The following THSD7A variants were observed in gnomAD, a reference collection of about 807,000 sequenced individuals.
THSD7A encodes thrombospondin type-1 domain-containing protein 7A.
Under a neutral mutation model 231.3 loss-of-function variants are expected in THSD7A, and 96 were observed. That is an observed-to-expected ratio of 0.41 (90% CI 0.35 to 0.49). THSD7A has a LOEUF of 0.49. Among genes scored for constraint, THSD7A ranks in the 20% least tolerant of loss-of-function variants. THSD7A has a pLI of 0.05. For synonymous variants in THSD7A, 940 were observed against 743.3 expected (o/e 1.26, Z -4.30); for missense variants, 2,290 against 2,070.2 (o/e 1.11, Z -2.06).
chr7:11,750,951 G>A (rs1285647674), intron 1 of THSD7A, among the ~76,000 whole-genome samples: 1 of 151,922 alleles, frequency 6.6e-6, no homozygotes, highest in East Asian at 1.9e-4. Flanking sequence ...GGTAAGACAA[G>A]GGCATCCATC....
intron 11 of THSD7A, among the ~76,000 whole-genome samples, chr7:11,454,653 A>G (rs928005249): frequency 1.3e-4 from 20 of 151,214 alleles, no homozygotes; most frequent in African/African-American, 4.9e-4. Flanking sequence ...ATGTATACCT[A>G]TAGTATATTT....
intron 6 of THSD7A, among the ~76,000 whole-genome samples, chr7:11,482,418 T>C (rs1437855472): frequency 6.6e-6 from 1 of 152,206 alleles, no homozygotes. Flanking sequence ...AACCAACTAA[T>C]AGGTGTCTAT....
intron 1 of THSD7A, among the ~76,000 whole-genome samples, chr7:11,782,189 C>CT (rs1783653127): frequency 6.6e-6 from 1 of 152,152 alleles, no homozygotes; most frequent in South Asian, 2.1e-4. Flanking sequence ...TTCTGCAGCA[C>CT]TTCATACCTA....
At chr7:11,399,272 C>G (rs1783308735) in intron 23 of THSD7A, among the ~76,000 whole-genome samples, 1 of 152,038 alleles carries the variant, frequency 6.6e-6, no homozygotes, top group African/African-American at 2.4e-5. Context: ...AAAATATAAC[C>G]TTCTAAATTA....
chr7:11,458,599 T>C (rs1028193271), intron 11 of THSD7A, among the ~76,000 whole-genome samples: 4 of 152,046 alleles, frequency 2.6e-5, no homozygotes, highest in Non-Finnish European at 5.9e-5. Context: ...ACTATGTAAG[T>C]ACAGGCAGAG....
chr7:11,713,579 T>C (rs10238100), intron 1 of THSD7A, among the ~76,000 whole-genome samples: 4,748 of 151,316 alleles, frequency 0.031, 257 homozygotes, highest in African/African-American at 0.11. Context: ...CCGAACTTTA[T>C]TGCGTATATC....
At chr7:11,712,115 CTATGGTATATGTTTCCAAGT>C (rs1378666749) in intron 1 of THSD7A, among the ~76,000 whole-genome samples, 7 of 150,986 alleles carry the variant, frequency 4.6e-5, no homozygotes, top group Non-Finnish European at 8.9e-5. Context: ...AGACTTCTGT[CTATGGTATATGTTTCCAAGT>C]TATCCTCCAG....
intron 1 of THSD7A, among the ~76,000 whole-genome samples, chr7:11,679,140 A>G (rs898429533): frequency 6.6e-6 from 1 of 152,210 alleles, no homozygotes; most frequent in African/African-American, 2.4e-5. Flanking sequence ...CTTTGATAAA[A>G]TTCAACACCG....
At chr7:11,454,257 T>G (rs1005443617) in intron 11 of THSD7A, among the ~76,000 whole-genome samples, 6 of 151,944 alleles carry the variant, frequency 3.9e-5, no homozygotes, top group Non-Finnish European at 8.8e-5. Context: ...TGTCAATGTC[T>G]TCTTTAAAAA....
At chr7:11,423,339 CT>C (rs1784212372) in intron 16 of THSD7A, among the ~76,000 whole-genome samples, 1 of 150,460 alleles carries the variant, frequency 6.6e-6, no homozygotes, top group Admixed American at 6.6e-5. Flanking sequence ...TAAGAATGAA[CT>C]TCTTCATAAC....
intron 14 of THSD7A, 110 bp from the exon 15 acceptor site, chr7:11,426,781 A>G (rs1258143822): frequency 8.5e-7 from 1 of 1,181,230 alleles, no homozygotes; most frequent in East Asian, 2.6e-5. Context: ...TATTACTTAC[A>G]TGTAAAAACC....
intron 1 of THSD7A, among the ~76,000 whole-genome samples, chr7:11,760,972 A>G (rs551042454): frequency 1.4e-5 from 2 of 148,046 alleles, no homozygotes; most frequent in South Asian, 4.2e-4. Flanking sequence ...TATAATTTAT[A>G]TATTTATATA....
intron 1 of THSD7A, among the ~76,000 whole-genome samples, chr7:11,736,163 T>C (rs1781905953): frequency 1.3e-5 from 2 of 151,914 alleles, no homozygotes; most frequent in Non-Finnish European, 2.9e-5. Context: ...GATGCATATG[T>C]AGAGAGAGAA....
At chr7:11,514,838 T>C (rs888449935) in intron 6 of THSD7A, among the ~76,000 whole-genome samples, 1 of 152,120 alleles carries the variant, frequency 6.6e-6, no homozygotes, top group Non-Finnish European at 1.5e-5. Context: ...TGGAAGAACA[T>C]AGAAACATTT....
At chr7:11,809,938 T>C (rs1462100383) in intron 1 of THSD7A, among the ~76,000 whole-genome samples, 1 of 152,108 alleles carries the variant, frequency 6.6e-6, no homozygotes, top group Non-Finnish European at 1.5e-5. Flanking sequence ...TCTAGAACAA[T>C]GGGCTGTATA....
chr7:11,492,455 A>G (rs1472789223), intron 6 of THSD7A, among the ~76,000 whole-genome samples: 1 of 152,060 alleles, frequency 6.6e-6, no homozygotes, highest in Non-Finnish European at 1.5e-5. Context: ...TAGCTTAAAT[A>G]TAACTATATT....
intron 4 of THSD7A, among the ~76,000 whole-genome samples, chr7:11,564,038 T>G (rs1475392993): frequency 6.6e-6 from 1 of 152,226 alleles, no homozygotes; most frequent in Admixed American, 6.5e-5. Flanking sequence ...ACCTGTTGAC[T>G]TTTCTGTTTA....
At chr7:11,668,599 TAAAC>T (rs1293867912) in intron 1 of THSD7A, among the ~76,000 whole-genome samples, 1 of 150,988 alleles carries the variant, frequency 6.6e-6, no homozygotes, top group Non-Finnish European at 1.5e-5. Flanking sequence ...TCAGCACAAT[TAAAC>T]AAAAATAAAT....
intron 1 of THSD7A, among the ~76,000 whole-genome samples, chr7:11,760,379 A>G (rs895560032): frequency 6.6e-6 from 1 of 152,134 alleles, no homozygotes; most frequent in Admixed American, 6.6e-5. Flanking sequence ...GGGCAAAAAA[A>G]AGAAATAGGA....
Sources: gnomAD v4.1 joint callset for allele counts (sites outside exome capture counted in the v4.1 genomes callset) on GRCh38, gnomAD v4.1.1 for gene constraint, MANE v1.5 for transcripts, NCBI Gene and HGNC (gene_info 2026-07-23, HGNC 2026-07-21) for gene names.